MUC12: variants seen among roughly 807,000 people sequenced by gnomAD.
MUC12 encodes mucin-12.
A neutral mutation model predicts 230.8 loss-of-function variants in MUC12; 172 were observed. The ratio of observed to expected loss-of-function variants is 0.75; its 90% CI spans 0.66 to 0.85. The LOEUF is 0.85. MUC12 is among the 40% of genes least tolerant of loss of function. The pLI is 0.00. For synonymous variants in MUC12, 1,259 were observed against 2,401.9 expected (o/e 0.52, Z 13.91); for missense variants, 3,506 against 5,920.6 (o/e 0.59, Z 13.38).
intron 1 of MUC12, among the ~76,000 whole-genome samples, chr7:100,975,599 T>C (rs1204322275): frequency 6.6e-6 from 1 of 151,512 alleles, no homozygotes; most frequent in Non-Finnish European, 1.5e-5. Context: ...ATAGTAGAGT[T>C]AATGAGGTGG....
intron 1 of MUC12, among the ~76,000 whole-genome samples, chr7:100,979,859 C>A (rs1200102870): frequency 2.6e-5 from 4 of 151,912 alleles, no homozygotes; most frequent in Non-Finnish European, 4.4e-5. Context: ...TATTCACACA[C>A]ATTTATTGTG....
chr7:101,006,306 C>T (rs984328426), intron 2 of MUC12, among the ~76,000 whole-genome samples, 165 bp from the exon 3 acceptor site: 2 of 152,098 alleles, frequency 1.3e-5, no homozygotes, highest in African/African-American at 4.8e-5. Context: ...TTCTTACTAT[C>T]TCCCGGGGGC....
chr7:100,971,528 G>A (rs78851558), intron 1 of MUC12, among the ~76,000 whole-genome samples: 2,150 of 151,072 alleles, frequency 0.014, no homozygotes, highest in Admixed American at 0.13. Flanking sequence ...GGCTGCCTCT[G>A]CCCGCCAAGC....
Position 100,992,186 on chromosome 7 carries a change from C to T in MUC12, c.1623C>T (p.Thr541=), listed in dbSNP as rs903190589. 2 of 1,537,654 alleles carry T rather than the reference C, an allele frequency of 1.3e-6. No individual in the cohort carries two copies. Among genetic ancestry groups the T allele is most frequent in the African/African-American group, 1.4e-5 (1 of 72,944 alleles). Residue 541 remains threonine (T), a synonymous_variant, in exon 2 of 12, where the codon ACC becomes ACT. Coordinates refer to ENST00000536621, the MANE Select transcript of MUC12 (RefSeq NM_001164462.2). ...CAACAGCATTCCCTGGCAGTACCAC[C>T]ATGCCAGGCCTCAGTCAGGAATCTA... ...THTTAFPGST[T]MPGLSQESTA... is the part of the protein sequence containing the mutation.
intron 1 of MUC12, among the ~76,000 whole-genome samples, chr7:100,987,058 T>C (rs75862646): frequency 1.7e-5 from 2 of 118,346 alleles, no homozygotes; most frequent in Admixed American, 1.1e-4. Flanking sequence ...GCCAAGATAA[T>C]GGTTTTTTTT....
chr7:100,973,853 TA>T lies in MUC12; in HGVS notation c.67+4179del, dbSNP rs759897466. On this transcript the variant is annotated intron_variant, in intron 1 of 11. Transcript: ENST00000536621. The stretch of plus-strand genomic sequence containing the variant: ...GGGCAATGTAGTGACACCCCATCTC[TA>T]AAAAAAAAAAAAAATTAGGCTGGGT... Among the ~76,000 whole-genome samples, 895 of 141,020 alleles carry T rather than the reference TA, an allele frequency of 6.3e-3. 1 individual carries two copies. The highest frequency in any genetic ancestry group is 6.8e-3 in the South Asian group (30 of 4,388). 92.5% of individuals were successfully genotyped at this position (141,020 alleles called of 152,430 possible). A position where few individuals can be genotyped will look rare whatever the true frequency, so the allele number is the denominator to read the frequency against.
chr7:101,012,186 C>T lies in MUC12; in HGVS notation c.15252-110C>T, dbSNP rs1793847678. The T allele has an allele frequency of 4.9e-6, 6 of 1,219,716 alleles. No homozygotes were observed. The African/African-American group carries it at 7.6e-5, about 15-fold the overall frequency. 75.6% of individuals were successfully genotyped at this position (1,219,716 alleles called of 1,614,324 possible). On this transcript the variant is annotated intron_variant, in intron 5 of 11. Transcript: ENST00000536621. ...AGGGAAGACTCTGTATTCTTTCTCA[C>T]CTCTGGGTCACATGGCAGCTTCATC... is the stretch of plus-strand genomic sequence containing the variant.
chr7:100,969,785 C>T (rs1792812889), intron 1 of MUC12, 96 bp downstream of exon 1: 1 of 1,502,458 alleles, frequency 6.7e-7, no homozygotes, highest in Non-Finnish European at 9.0e-7. Flanking sequence ...GTGGCCTCCT[C>T]CCCTTTGCAT....
Position 100,978,532 on chromosome 7 carries a change from G to C in MUC12, c.67+8843G>C, listed in dbSNP as rs564756342. On this transcript the variant is annotated intron_variant, in intron 1 of 11. Transcript: ENST00000536621. ...CTGGATTGCACAAGGTCACACAGCG[G>C]TGTACAGGTTGGTCTTGGAGACATA... Among the ~76,000 whole-genome samples the C allele has an allele frequency of 3.9e-5, 6 of 152,300 alleles. No individual in the cohort carries two copies. The South Asian group carries it at 1.2e-3, about 32-fold the overall frequency.
intron 3 of MUC12, 109 bp downstream of exon 3, chr7:101,006,681 G>T (rs1793758287): frequency 2.7e-6 from 2 of 751,574 alleles, no homozygotes; most frequent in South Asian, 1.5e-5. Context: ...GGTGGAGGAG[G>T]TGTGACTCTT....
intron 1 of MUC12, among the ~76,000 whole-genome samples, chr7:100,981,925 G>T: frequency 6.9e-6 from 1 of 145,964 alleles, no homozygotes. Context: ...GGAGTGCAGT[G>T]GTGCGATCTC....
At chr7:101,010,437 A>G (rs1793824510) in intron 5 of MUC12, among the ~76,000 whole-genome samples, 1 of 152,056 alleles carries the variant, frequency 6.6e-6, no homozygotes, top group African/African-American at 2.4e-5. Flanking sequence ...CTCGGGTTCA[A>G]GCAATCCTCC....
intron 5 of MUC12, 129 bp downstream of exon 5, chr7:101,009,288 G>T: frequency 4.6e-6 from 4 of 876,262 alleles, no homozygotes; most frequent in Non-Finnish European, 7.2e-6. Flanking sequence ...CAGCCGCTAG[G>T]GAACACTGGG....
At chr7:100,989,837 T>A (rs915512260) in intron 1 of MUC12, among the ~76,000 whole-genome samples, 1 of 152,042 alleles carries the variant, frequency 6.6e-6, no homozygotes, top group African/African-American at 2.4e-5. Context: ...ATTACAGGTG[T>A]ACACCACCAC....
intron 11 of MUC12, 36 bp downstream of exon 11, chr7:101,017,699 C>T: frequency 1.4e-6 from 2 of 1,448,848 alleles, no homozygotes; most frequent in African/African-American, 1.4e-5. Flanking sequence ...CCCCCTGAGG[C>T]TGCTCCACTT....
intron 6 of MUC12, 41 bp downstream of exon 6, chr7:101,012,488 G>A (rs1249949751): frequency 4.6e-6 from 7 of 1,529,950 alleles, no homozygotes; most frequent in South Asian, 3.6e-5. Context: ...TGGGTGTCTT[G>A]GAGATCGTGA....
intron 1 of MUC12, among the ~76,000 whole-genome samples, chr7:100,970,392 C>T (rs146328643): frequency 0.11 from 15,954 of 151,210 alleles, 971 homozygotes; most frequent in South Asian, 0.22. Flanking sequence ...GAGGCTGAGG[C>T]AGGAGAATCA....
chr7:101,018,423 A>C (rs570703857), intron 11 of MUC12, among the ~76,000 whole-genome samples, 172 bp from the exon 12 acceptor site: 33 of 6,864 alleles, frequency 4.8e-3, no homozygotes, highest in Admixed American at 0.021. Flanking sequence ...TTCCCCTGGG[A>C]CTCCCCCCTC....
Position 101,004,747 on chromosome 7 carries a change from T to C in MUC12, c.14184T>C (p.Thr4728=), listed in dbSNP as rs1342299402. 1 of 1,536,926 alleles carries C rather than the reference T, an allele frequency of 6.5e-7. No homozygotes were observed. Among genetic ancestry groups the C allele is most frequent in the Non-Finnish European group, 8.7e-7 (1 of 1,146,350 alleles). The part of the protein sequence containing the change: ...PGSMETTLAS[T]ATTPGLSAKS... ...CAATGGAAACAACATTAGCCAGCAC[T>C]GCCACAACACCAGGCCTCAGTGCAA... Residue 4728 remains threonine, a synonymous_variant, in exon 2 of 12, where the codon ACT becomes ACC. Coordinates refer to ENST00000536621, the MANE Select transcript of MUC12 (RefSeq NM_001164462.2).
Sources: gnomAD v4.1 joint callset for allele counts (sites outside exome capture counted in the v4.1 genomes callset) on GRCh38, gnomAD v4.1.1 for gene constraint, MANE v1.5 for transcripts, NCBI Gene and HGNC (gene_info 2026-07-23, HGNC 2026-07-21) for gene names.